CASP4: variants seen among roughly 807,000 people sequenced by gnomAD.
The protein encoded by CASP4 is caspase-4.
CASP4 carries 29 observed loss-of-function variants against 41.3 expected under a neutral mutation model. The ratio of observed to expected loss-of-function variants is 0.70; its 90% CI spans 0.52 to 0.96. The LOEUF (loss-of-function observed/expected upper bound fraction) is 0.96. CASP4 is among the 40% of genes least tolerant of loss of function. The pLI is 0.00. For missense variants in CASP4, 447 were observed against 460.6 expected (o/e 0.97, Z 0.27); for synonymous variants, 185 against 158.4 (o/e 1.17, Z -1.26).
chr11:104,964,200 G>A (rs1860923549), intron 1 of CASP4, among the ~76,000 whole-genome samples: 1 of 152,080 alleles, frequency 6.6e-6, no homozygotes, highest in South Asian at 2.1e-4. Flanking sequence ...TTTTCAAAAG[G>A]CAGTTTATAA....
chr11:104,942,962 G>T lies in CASP4; in HGVS notation c.*17C>A, dbSNP rs1252512614. The T allele has an allele frequency of 6.6e-6, 3 of 455,404 alleles. No homozygotes were observed. Among genetic ancestry groups the T allele is most frequent in the African/African-American group, 6.0e-5 (3 of 50,046 alleles). 28.2% of individuals were successfully genotyped at this position (455,404 alleles called of 1,614,324 possible). A position where few individuals can be genotyped will look rare whatever the true frequency, so the allele number is the denominator to read the frequency against. On this transcript the variant is annotated 3_prime_UTR_variant, in exon 9 of 9. Transcript: ENST00000444739. ...GAAGTTGATTAAGGAGGGCTGGGCT[G>T]CTTGTGGCTTCCTGCAGGGGAGAGA...
rs1275706443 is a variant in CASP4 at position 104,951,699 on chromosome 11, A to G, written c.372+197T>C. On this transcript the variant is annotated intron_variant, in intron 3 of 8. Transcript: ENST00000444739. ...TACCAATTTTCTTTCAACTCATGAT[A>G]AAATGATCTGCATCATGGATTGAGA... is the stretch of plus-strand genomic sequence containing the variant. 6.6e-6 allele frequency: 4 copies of G among 609,652 alleles called. No homozygotes were observed. In the Admixed American group the frequency reaches 1.0e-4, roughly 15 times the overall value. 37.8% of individuals were successfully genotyped at this position (609,652 alleles called of 1,614,324 possible).
intron 7 of CASP4, among the ~76,000 whole-genome samples, chr11:104,946,311 A>G (rs1860457727): frequency 6.6e-6 from 1 of 152,216 alleles, no homozygotes; most frequent in African/African-American, 2.4e-5. Context: ...GTATTTATGC[A>G]TGTATTTATT....
chr11:104,952,110 A>G, intron 2 of CASP4, 105 bp from the exon 3 acceptor site: 1 of 680,790 alleles, frequency 1.5e-6, no homozygotes, highest in Non-Finnish European at 2.6e-6. Flanking sequence ...TTCTTCACAT[A>G]TAGGGGTTTT....
chr11:104,947,041 T>G (rs779553682), intron 7 of CASP4, 42 bp downstream of exon 7: 7 of 1,361,450 alleles, frequency 5.1e-6, no homozygotes. Flanking sequence ...TGACAAATTC[T>G]TCCTGAAGAA....
intron 6 of CASP4, 119 bp downstream of exon 6, chr11:104,948,414 T>C (rs1177750452): frequency 9.8e-7 from 1 of 1,015,714 alleles, no homozygotes. Context: ...ATGTAAAATA[T>C]GTGGAGAGCA....
At chr11:104,967,702 G>A (rs1326838199) in intron 1 of CASP4, among the ~76,000 whole-genome samples, 1 of 152,078 alleles carries the variant, frequency 6.6e-6, no homozygotes, top group Non-Finnish European at 1.5e-5. Flanking sequence ...GGTGAGGAAG[G>A]GGGTAGTCAT....
At chr11:104,955,460 G>A (rs538658332) in intron 1 of CASP4, among the ~76,000 whole-genome samples, 8 of 151,686 alleles carry the variant, frequency 5.3e-5, no homozygotes, top group African/African-American at 1.7e-4. Context: ...TAGTTTTCTT[G>A]GTGAAAGAAC....
Position 104,952,025 on chromosome 11 carries a change from A to T in CASP4, c.263-20T>A, listed in dbSNP as rs770194807. The T allele has an allele frequency of 1.5e-5, 22 of 1,472,286 alleles. No individual in the cohort carries two copies. The highest frequency in any genetic ancestry group is 1.6e-5 in the Non-Finnish European group (17 of 1,053,918). The allele number at this position is 1,472,286 out of a possible 1,614,324, so 91.2% of individuals were successfully genotyped here. A position where few individuals can be genotyped will look rare whatever the true frequency, so the allele number is the denominator to read the frequency against. Reference sequence around the variant, plus strand: ...GATGAGCTGCAGGATATTGCAGAACATAAATTGTGATTTCTGCCTCTGTGA... The same window carrying T: ...GATGAGCTGCAGGATATTGCAGAACTTAAATTGTGATTTCTGCCTCTGTGA... On this transcript the variant is annotated intron_variant, in intron 2 of 8. Transcript: ENST00000444739.
chr11:104,958,960 C>CAAAAA (rs56678254), intron 1 of CASP4, among the ~76,000 whole-genome samples: 5 of 62,466 alleles, frequency 8.0e-5, no homozygotes, highest in African/African-American at 1.8e-4. Context: ...GACTCTGTCT[C>CAAAAA]AAAAAAAAAA....
In CASP4 at chr11:104,944,765, A is replaced by G. The variant is rs531870629; in HGVS notation, c.1122T>C (p.Phe374=). 4 of 1,609,134 alleles carry G rather than the reference A, an allele frequency of 2.5e-6. No individual in the cohort carries two copies. In the East Asian group the frequency reaches 8.9e-5, roughly 36 times the overall value. ...TACTTAACCATTTTCAATTGCCAGG[A>G]AAGAGGTAGAAATATCTTGTCATGG... The part of the protein sequence containing the change: ...RLSMTRYFYL[F]PGN The change falls in exon 8 of 9, where the codon TTT becomes TTC. Residue 374 remains phenylalanine (F), a synonymous_variant. Transcript: ENST00000444739.
intron 1 of CASP4, among the ~76,000 whole-genome samples, chr11:104,967,637 G>A (rs1861004646): frequency 1.3e-5 from 2 of 152,184 alleles, no homozygotes; most frequent in African/African-American, 4.8e-5. Context: ...AGAATTATGT[G>A]ACGATCTTCA....
intron 8 of CASP4, chr11:104,944,459 T>A: frequency 3.1e-6 from 1 of 319,318 alleles, no homozygotes; most frequent in Non-Finnish European, 5.9e-6. Flanking sequence ...AATGGAAGCA[T>A]GAGCATGTTT....
intron 1 of CASP4, among the ~76,000 whole-genome samples, chr11:104,959,295 A>G (rs1399417701): frequency 6.6e-6 from 1 of 152,208 alleles, no homozygotes; most frequent in Non-Finnish European, 1.5e-5. Context: ...AATATTGATG[A>G]ACATGAAGAA....
chr11:104,952,350 C>A (rs1268521970), intron 2 of CASP4, among the ~76,000 whole-genome samples: 3 of 152,022 alleles, frequency 2.0e-5, no homozygotes, highest in Non-Finnish European at 4.4e-5. Flanking sequence ...TCTATTGTGT[C>A]TGTGCAAGAG....
chr11:104,953,120 T>C (rs1031845786), intron 2 of CASP4, among the ~76,000 whole-genome samples: 1 of 152,130 alleles, frequency 6.6e-6, no homozygotes, highest in Non-Finnish European at 1.5e-5. Flanking sequence ...CATCCAATAA[T>C]AAAATTAGCA....
At position 104,963,805 on chromosome 11, in the gene CASP4, C is replaced by G. The variant is rs570534183; in HGVS notation, c.7+4714G>C. Among the ~76,000 whole-genome samples the G allele has an allele frequency of 1.6e-3, 246 of 152,238 alleles. 1 individual carries two copies. The highest frequency in any genetic ancestry group is 5.7e-3 in the African/African-American group (238 of 41,554). On this transcript the variant is annotated intron_variant, in intron 1 of 8. Transcript: ENST00000444739. ...CTCTCTTCTCCAGTAGTATTTCCTT[C>G]CTTTTGGGGATCTGGGATCCAGTAT...
At chr11:104,968,250 C>A (rs978490595) in intron 1 of CASP4, among the ~76,000 whole-genome samples, 2 of 152,200 alleles carry the variant, frequency 1.3e-5, no homozygotes, top group African/African-American at 4.8e-5. Flanking sequence ...CAAATAACTT[C>A]CTCTGGCTTT....
chr11:104,954,196 T>C (rs977938683), intron 2 of CASP4, among the ~76,000 whole-genome samples: 2 of 152,144 alleles, frequency 1.3e-5, no homozygotes, highest in African/African-American at 4.8e-5. Context: ...TAGCTGTATT[T>C]GTATTGTGAT....
Sources: gnomAD v4.1 joint callset for allele counts (sites outside exome capture counted in the v4.1 genomes callset) on GRCh38, gnomAD v4.1.1 for gene constraint, MANE v1.5 for transcripts, NCBI Gene and HGNC (gene_info 2026-07-23, HGNC 2026-07-21) for gene names.